Variants in SETDB2 observed in about 807,000 individuals in gnomAD.
SETDB2 encodes SET domain bifurcated histone lysine methyltransferase 2.
SETDB2 carries 56 observed loss-of-function variants against 82.5 expected under a neutral mutation model. That is an observed-to-expected ratio of 0.68 (90% CI 0.55 to 0.85). The LOEUF (loss-of-function observed/expected upper bound fraction) is 0.85, where lower values mean the gene tolerates loss of function less well. Among genes scored for constraint, SETDB2 ranks in the 40% least tolerant of loss-of-function variants. The pLI, the probability that SETDB2 is intolerant of heterozygous loss-of-function variation, is 0.00. For synonymous variants in SETDB2, 272 were observed against 284.9 expected (o/e 0.95, Z 0.46); for missense variants, 677 against 816.4 (o/e 0.83, Z 2.08).
At chr13:49,484,219 T>C (rs1958545623) in intron 10 of SETDB2, among the ~76,000 whole-genome samples, 1 of 152,122 alleles carries the variant, frequency 6.6e-6, no homozygotes, top group African/African-American at 2.4e-5. Flanking sequence ...TAGTGATATA[T>C]AAGAAAAGGG....
intron 8 of SETDB2, among the ~76,000 whole-genome samples, chr13:49,481,874 G>A (rs1566172540): frequency 6.6e-6 from 1 of 152,186 alleles, no homozygotes; most frequent in Admixed American, 6.5e-5. Flanking sequence ...GAACAACCAG[G>A]TTCTGAAAAT....
At chr13:49,465,050 G>A (rs1958074223) in intron 4 of SETDB2, among the ~76,000 whole-genome samples, 1 of 150,678 alleles carries the variant, frequency 6.6e-6, no homozygotes, top group African/African-American at 2.4e-5. Context: ...TTCCAGCCTA[G>A]GCAAGAGAGT....
At chr13:49,489,619 A>G (rs1319527638) in intron 12 of SETDB2, among the ~76,000 whole-genome samples, 7 of 88,526 alleles carry the variant, frequency 7.9e-5, no homozygotes, top group African/African-American at 3.8e-4. Flanking sequence ...TTTTTTTGAG[A>G]CCGAGTCTTG....
intron 5 of SETDB2, among the ~76,000 whole-genome samples, chr13:49,468,590 A>G (rs146736828): frequency 0.02 from 2,994 of 151,506 alleles, 135 homozygotes; most frequent in African/African-American, 0.067. Context: ...AAAACAAAGA[A>G]GTATCTTTAG....
chr13:49,473,903 C>A (rs901830546), intron 5 of SETDB2, among the ~76,000 whole-genome samples: 1 of 152,106 alleles, frequency 6.6e-6, no homozygotes, highest in Non-Finnish European at 1.5e-5. Context: ...AACTTGACAC[C>A]TAATAATAGG....
At chr13:49,477,720 T>C (rs1958398214) in intron 6 of SETDB2, among the ~76,000 whole-genome samples, 1 of 152,226 alleles carries the variant, frequency 6.6e-6, no homozygotes, top group Non-Finnish European at 1.5e-5. Flanking sequence ...GTGTTATACA[T>C]GAGGAAGTTG....
intron 2 of SETDB2, among the ~76,000 whole-genome samples, chr13:49,452,618 T>C (rs1198272020): frequency 6.6e-6 from 1 of 152,244 alleles, no homozygotes; most frequent in African/African-American, 2.4e-5. Flanking sequence ...ACCTGATGTC[T>C]TTTTCCATTC....
rs1268866087 is a variant in SETDB2 at position 49,488,404 on chromosome 13, A to G, written c.1691A>G (p.Gln564Arg). ...ACTCCACCAAGGAGCAGATGTAACC[A>G]GGCGACCACATTGGATAATCAGAAT... is the stretch of plus-strand genomic sequence containing the variant. ...EETPPRSRCN[Q>R]ATTLDNQNIK... The change falls in exon 12 of 14, where the codon CAG becomes CGG. Residue 564 changes from glutamine (Q) to arginine (R), a missense_variant. Transcript: ENST00000611815. 6.2e-7 allele frequency: 1 copy of G among 1,614,116 alleles called. No individual in the cohort carries two copies. Among genetic ancestry groups the G allele is most frequent in the South Asian group, 1.1e-5 (1 of 91,058 alleles).
In SETDB2 at chr13:49,451,883, G is replaced by T; in HGVS notation, c.-11G>T. On this transcript the variant is annotated 5_prime_UTR_variant, in exon 2 of 14. Transcript: ENST00000611815. ...TTTGAAGCATTTTATATTTATAAGC[G>T]ACATCAAAAGATGGGAGAAAAAAAT... is the stretch of plus-strand genomic sequence containing the variant. 2 of 1,592,726 alleles carry T rather than the reference G, an allele frequency of 1.3e-6. No individual in the cohort carries two copies. Among genetic ancestry groups the T allele is most frequent in the Non-Finnish European group, 1.7e-6 (2 of 1,166,026 alleles).
Position 49,454,885 on chromosome 13 carries a change from G to A in SETDB2, c.16+2976G>A, listed in dbSNP as rs1056418051. On this transcript the variant is annotated intron_variant, in intron 2 of 13. Coordinates refer to ENST00000611815, the MANE Select transcript of SETDB2 (RefSeq NM_001160308.3). The stretch of plus-strand genomic sequence containing the variant: ...GTTCTCAATTTTTTTTTTGGTCTCA[G>A]GATGACTTTATACTCTTTAGAGTAT... Among the ~76,000 whole-genome samples the A allele has an allele frequency of 2.6e-5, 4 of 151,860 alleles. No individual in the cohort carries two copies. In the East Asian group the frequency reaches 7.7e-4, roughly 29 times the overall value.
At chr13:49,448,581 G>T (rs74076007) in intron 1 of SETDB2, among the ~76,000 whole-genome samples, 140 of 152,012 alleles carry the variant, frequency 9.2e-4, no homozygotes, top group African/African-American at 3.3e-3. Context: ...TTTAATTTCC[G>T]CAGGTAGTAT....
intron 11 of SETDB2, 156 bp downstream of exon 11, chr13:49,485,879 G>T: frequency 1.3e-6 from 1 of 783,178 alleles, no homozygotes. Context: ...GCAAAATATC[G>T]TGTGTGGGCC....
chr13:49,447,522 G>T (rs891840151), intron 1 of SETDB2, among the ~76,000 whole-genome samples: 2 of 152,160 alleles, frequency 1.3e-5, no homozygotes, highest in Middle Eastern at 3.4e-3. Flanking sequence ...GGATGTTTTG[G>T]TAGATAGCCT....
intron 6 of SETDB2, among the ~76,000 whole-genome samples, chr13:49,478,859 C>T (rs910163265): frequency 3.0e-4 from 45 of 152,014 alleles, no homozygotes; most frequent in African/African-American, 1.1e-3. Context: ...GCAGGGAGGT[C>T]GAGGCTGCAG....
Position 49,476,751 on chromosome 13 carries a change from T to C in SETDB2, c.581T>C (p.Phe194Ser). Residue 194 changes from phenylalanine (F) to serine (S), a missense_variant, in exon 6 of 14, where the codon TTT becomes TCT. Physicochemically the swap from Phe to Ser is radical, Grantham distance 155. Transcript: ENST00000611815. ...AGTCTACGAAACGTGGAGGAAGTTT[T>C]TCGTTACCTGCTTGAGACAGAGTGT... The part of the protein sequence containing the change: ...GRSLRNVEEV[F>S]RYLLETECNF... 1 of 1,614,224 alleles carries C rather than the reference T, an allele frequency of 6.2e-7. No individual in the cohort carries two copies. Among genetic ancestry groups the C allele is most frequent in the South Asian group, 1.1e-5 (1 of 91,076 alleles).
intron 2 of SETDB2, among the ~76,000 whole-genome samples, chr13:49,457,350 C>T: frequency 7.2e-6 from 1 of 138,900 alleles, no homozygotes. Context: ...CATGTGTTGG[C>T]ATTTCTAAGA....
chr13:49,471,934 A>ATATATATATAT (rs1378783393), intron 5 of SETDB2, among the ~76,000 whole-genome samples: 10 of 119,260 alleles, frequency 8.4e-5, no homozygotes, highest in South Asian at 5.8e-4. Context: ...ATATATATAT[A>ATATATATATAT]TTTTTTTTTT....
At position 49,481,123 on chromosome 13, in the gene SETDB2, CA is replaced by C. The variant is rs770516983; in HGVS notation, c.1156+11del. 1.2e-6 allele frequency: 2 copies of C among 1,605,580 alleles called. No individual in the cohort carries two copies. Among genetic ancestry groups the C allele is most frequent in the South Asian group, 2.2e-5 (2 of 89,950 alleles). On this transcript the variant is annotated splice_region_variant and intron_variant, in intron 8 of 13. Coordinates refer to ENST00000611815, the MANE Select transcript of SETDB2 (RefSeq NM_001160308.3). ...TTTGTTTGCATTTATTCAGGTAAAG[CA>C]AAAGTTTATTTTCAAATTATTCTAG... is the stretch of plus-strand genomic sequence containing the variant.
At chr13:49,459,052 G>A (rs7997737) in intron 2 of SETDB2, among the ~76,000 whole-genome samples, 77,385 of 152,056 alleles carry the variant, frequency 0.51, 19,833 homozygotes, top group Middle Eastern at 0.56. Flanking sequence ...TGTTTGAGCT[G>A]TGCTATGGGG....
Sources: allele counts gnomAD v4.1 joint callset (sites outside exome capture counted in the v4.1 genomes callset), GRCh38; gene constraint gnomAD v4.1.1; transcripts MANE v1.5; gene names NCBI Gene and HGNC (gene_info 2026-07-23, HGNC 2026-07-21).